The following DDX55 variants were observed in gnomAD, a reference collection of about 807,000 sequenced individuals.
DDX55 encodes the protein DEAD-box helicase 55.
DDX55 carries 56 observed loss-of-function variants against 69.2 expected under a neutral mutation model. The observed-to-expected ratio is 0.81, with a 90% CI of 0.65 to 1.01. The LOEUF is 1.01. DDX55 is among the 50% of genes least tolerant of loss of function. The pLI is 0.00. For missense variants in DDX55, 720 were observed against 745.1 expected (o/e 0.97, Z 0.39); for synonymous variants, 268 against 273.1 (o/e 0.98, Z 0.18).
At chr12:123,613,379 T>C (rs1391089061) in intron 8 of DDX55, 127 bp downstream of exon 8, 4 of 919,478 alleles carry the variant, frequency 4.4e-6, no homozygotes, top group Admixed American at 2.8e-5. Context: ...TGCAAATAAC[T>C]GAAAACCCAA....
intron 10 of DDX55, 81 bp downstream of exon 10, chr12:123,616,684 A>G: frequency 7.1e-7 from 1 of 1,416,190 alleles, no homozygotes; most frequent in Non-Finnish European, 1.0e-6. Flanking sequence ...ATAAACAGAT[A>G]ATGATGTTCA....
At position 123,620,598 on chromosome 12, in the gene DDX55, ATATATATATATATATATATATATATATAT is replaced by A. The variant is rs1955061819; in HGVS notation, c.*459_*487del. The A allele has an allele frequency of 2.8e-5, 2 of 70,500 alleles. No homozygotes were observed. The highest frequency in any genetic ancestry group is 1.3e-4 in the Admixed American group (1 of 7,942). 4.4% of individuals were successfully genotyped at this position (70,500 alleles called of 1,614,324 possible). A position where few individuals can be genotyped will look rare whatever the true frequency, so the allele number is the denominator to read the frequency against. On this transcript the variant is annotated 3_prime_UTR_variant, in exon 14 of 14. Transcript: ENST00000238146. The stretch of plus-strand genomic sequence containing the variant: ...GTACATATTATATATATATATATAT[ATATATATATATATATATATATATATATAT>A]AAGCTCTTTTTTCTGAGGCTATTTT...
intron 7 of DDX55, among the ~76,000 whole-genome samples, chr12:123,610,722 C>A (rs973006827): frequency 6.8e-6 from 1 of 146,998 alleles, no homozygotes; most frequent in African/African-American, 2.6e-5. Context: ...TGCCATTCTC[C>A]TGCCTCAGCC....
rs774458613 is a variant in DDX55, at chr12:123,620,020, G to GA, written c.1689dup (p.Leu564ThrfsTer2). The GA allele has an allele frequency of 1.6e-5, 26 of 1,614,010 alleles. No homozygotes were observed. Among genetic ancestry groups the GA allele is most frequent in the Admixed American group, 6.7e-5 (4 of 60,002 alleles). On this transcript the variant is annotated frameshift_variant, in exon 14 of 14. Coordinates refer to ENST00000238146, the MANE Select transcript of DDX55 (RefSeq NM_020936.3). LOFTEE classifies it high-confidence loss of function. ...AACTTCTTAATGACACAAGACTCTT[G>GA]AAAAAACTTAAGAAAGGCAAAATAA...
intron 1 of DDX55, among the ~76,000 whole-genome samples, chr12:123,604,091 C>T (rs967432584): frequency 4.6e-5 from 7 of 152,138 alleles, no homozygotes; most frequent in Non-Finnish European, 1.0e-4. Flanking sequence ...TGAGCCACTG[C>T]GCCTGACCAC....
chr12:123,616,536 A>AT lies in DDX55; in HGVS notation c.983dup (p.Met328IlefsTer6), dbSNP rs1263092505. The AT allele has an allele frequency of 4.3e-6, 7 of 1,613,974 alleles. No individual in the cohort carries two copies. The highest frequency in any genetic ancestry group is 5.9e-6 in the Non-Finnish European group (7 of 1,180,028). On this transcript the variant is annotated frameshift_variant, in exon 10 of 14. Coordinates refer to ENST00000238146, the MANE Select transcript of DDX55 (RefSeq NM_020936.3). LOFTEE classifies it high-confidence loss of function. Reference sequence around the variant, plus strand: ...TGGGATTTTAGTGTGCACTGATGTGATGGCCCGGGGAATTGATATTCCTGA... The same window carrying AT: ...TGGGATTTTAGTGTGCACTGATGTGATTGGCCCGGGGAATTGATATTCCTGA...
chr12:123,607,783 GGT>G (rs1953984692), intron 5 of DDX55, 121 bp downstream of exon 5: 1 of 1,417,714 alleles, frequency 7.1e-7, no homozygotes, highest in East Asian at 2.3e-5. Context: ...CCTGCAAAAA[GGT>G]GTTTTCTCCA....
rs1955040154 is a variant in DDX55, at chr12:123,620,237, C to T, written c.*97C>T. The T allele has an allele frequency of 8.2e-7, 1 of 1,222,030 alleles. No individual in the cohort carries two copies. Among genetic ancestry groups the T allele is most frequent in the Non-Finnish European group, 1.1e-6 (1 of 879,588 alleles). 75.7% of individuals were successfully genotyped at this position (1,222,030 alleles called of 1,614,324 possible). A position where few individuals can be genotyped will look rare whatever the true frequency, so the allele number is the denominator to read the frequency against. ...TAACGAAAATCACAACTTCAGGAGA[C>T]ATCTGAAAAGAATGATGTCTCTGAA... is the stretch of plus-strand genomic sequence containing the variant. On this transcript the variant is annotated 3_prime_UTR_variant, in exon 14 of 14. Transcript: ENST00000238146.
At position 123,615,329 on chromosome 12, in the gene DDX55, C is replaced by T. The variant is rs1468645968; in HGVS notation, c.956+13C>T. 1.2e-6 allele frequency: 2 copies of T among 1,612,758 alleles called. No homozygotes were observed. Among genetic ancestry groups the T allele is most frequent in the Non-Finnish European group, 1.7e-6 (2 of 1,179,314 alleles). On this transcript the variant is annotated intron_variant, in intron 9 of 13. Transcript: ENST00000238146. ...GCAAATTGCAAAGGTGGGTGGGCTT[C>T]ATTGAAGGTAGCAGCTCTCCTGCCA...
At chr12:123,602,780 G>T (rs1953646955) in intron 1 of DDX55, among the ~76,000 whole-genome samples, 1 of 152,170 alleles carries the variant, frequency 6.6e-6, no homozygotes, top group Non-Finnish European at 1.5e-5. Flanking sequence ...ACTTTCTAGT[G>T]CAAGAGCTAG....
At chr12:123,619,776 T>C (rs1955008215) in intron 13 of DDX55, 52 bp downstream of exon 13, 1 of 1,530,244 alleles carries the variant, frequency 6.5e-7, no homozygotes, top group South Asian at 1.3e-5. Flanking sequence ...AAATTTATTG[T>C]AGTAGTTCTT....
intron 13 of DDX55, 82 bp from the exon 14 acceptor site, chr12:123,619,882 A>AAG: frequency 6.5e-7 from 1 of 1,533,566 alleles, no homozygotes; most frequent in Non-Finnish European, 8.7e-7. Flanking sequence ...GAGAGCTTAT[A>AAG]GTTCTTGAGT....
Position 123,609,951 on chromosome 12 carries a change from T to C in DDX55, c.564T>C (p.Ile188=). The change falls in exon 7 of 14, where the codon ATT becomes ATC. Residue 188 remains isoleucine (I), a synonymous_variant. Transcript: ENST00000238146. ...DMGFEASINT[I]LEFLPKQRRT... ...CTCTTTTTATCAGCATCAACACCAT[T>C]CTGGAGTTTTTGCCAAAGCAGAGGA... The C allele has an allele frequency of 6.2e-7, 1 of 1,613,724 alleles. No homozygotes were observed. Among genetic ancestry groups the C allele is most frequent in the South Asian group, 1.1e-5 (1 of 91,024 alleles).
At position 123,613,241 on chromosome 12, in the gene DDX55, G is replaced by A. The variant is rs769543037; in HGVS notation, c.813G>A (p.Leu271=). The A allele has an allele frequency of 6.2e-7, 1 of 1,613,948 alleles. No homozygotes were observed. The highest frequency in any genetic ancestry group is 8.5e-7 in the Non-Finnish European group (1 of 1,179,966). ...FLRNHKQEKH[L]VFFSTCACVE... is the part of the protein sequence containing the mutation. ...GCAATCATAAGCAGGAGAAACACCT[G>A]GTCTTCTTCAGGTACTCCTCTGGTC... The change falls in exon 8 of 14, where the codon CTG becomes CTA. Residue 271 remains leucine, a synonymous_variant. Coordinates refer to ENST00000238146, the MANE Select transcript of DDX55 (RefSeq NM_020936.3).
In DDX55 at chr12:123,619,971, A is replaced by C; in HGVS notation, c.1634A>C (p.Asp545Ala). 1 of 1,612,856 alleles carries C rather than the reference A, an allele frequency of 6.2e-7. No homozygotes were observed. Among genetic ancestry groups the C allele is most frequent in the Non-Finnish European group, 8.5e-7 (1 of 1,179,560 alleles). The change falls in exon 14 of 14, where the codon GAT (aspartate) becomes GCT (alanine). Residue 545 changes from aspartate (D) to alanine (A), a missense_variant. By Grantham distance (126) the Asp-to-Ala change is moderately radical. Transcript: ENST00000238146. ...GGTTTCTTCTGCACTTAGGGTTCTG[A>C]TATTGAAGATGAGGACATGGAAGAA... ...NEKRKREEGS[D>A]IEDEDMEELL...
chr12:123,606,872 G>A (rs760933476), intron 3 of DDX55, among the ~76,000 whole-genome samples: 1 of 152,116 alleles, frequency 6.6e-6, no homozygotes, highest in Non-Finnish European at 1.5e-5. Flanking sequence ...TACCGCGCCC[G>A]GCCATTTTGC....
Position 123,616,498 on chromosome 12 carries a change from T to C in DDX55, c.957-13T>C. ...GGCCTCCTTACTCAGAATGCTTTTTTCTCATTTCCTAGTGGGATTTTAGTG... is the reference window on the plus strand; with the variant it reads ...GGCCTCCTTACTCAGAATGCTTTTTCCTCATTTCCTAGTGGGATTTTAGTG... On this transcript the variant is annotated splice_polypyrimidine_tract_variant and intron_variant, in intron 9 of 13. Coordinates refer to ENST00000238146, the MANE Select transcript of DDX55 (RefSeq NM_020936.3). The C allele has an allele frequency of 6.2e-7, 1 of 1,613,876 alleles. No homozygotes were observed. Among genetic ancestry groups the C allele is most frequent in the Non-Finnish European group, 8.5e-7 (1 of 1,179,772 alleles).
In DDX55 at chr12:123,607,520, T is replaced by G; in HGVS notation, c.335T>G (p.Phe112Cys). ...CATTTCACGAAGCACTTCCCCGAGT[T>G]CAGGTGAATTGGATGCAGTGTCCCT... ...LSHFTKHFPE[F>C]SQILWIGGRN... Residue 112 changes from phenylalanine to cysteine, a missense_variant, in exon 4 of 14, where the codon TTC becomes TGC. Phe to Cys is a radical substitution (Grantham distance 205, BLOSUM62 -2). Coordinates refer to ENST00000238146, the MANE Select transcript of DDX55 (RefSeq NM_020936.3). The G allele has an allele frequency of 6.2e-7, 1 of 1,614,194 alleles. No homozygotes were observed. The highest frequency in any genetic ancestry group is 8.5e-7 in the Non-Finnish European group (1 of 1,180,040).
Position 123,620,018 on chromosome 12 carries a change from T to C in DDX55, c.1681T>C (p.Leu561=). The C allele has an allele frequency of 6.2e-7, 1 of 1,614,160 alleles. No homozygotes were observed. The highest frequency in any genetic ancestry group is 8.5e-7 in the Non-Finnish European group (1 of 1,180,016). Residue 561 remains leucine, a synonymous_variant, in exon 14 of 14, where the codon TTG becomes CTG. Transcript: ENST00000238146. ...MEELLNDTRL[L]KKLKKGKITE... is the part of the protein sequence containing the mutation. ...AGAACTTCTTAATGACACAAGACTC[T>C]TGAAAAAACTTAAGAAAGGCAAAAT...
Sources: gnomAD v4.1 joint callset for allele counts (sites outside exome capture counted in the v4.1 genomes callset) on GRCh38, gnomAD v4.1.1 for gene constraint, MANE v1.5 for transcripts, NCBI Gene and HGNC (gene_info 2026-07-23, HGNC 2026-07-21) for gene names.